Variants in PLSCR4 observed in about 807,000 individuals in gnomAD.
PLSCR4 encodes Ca(2+)-dependent phospholipid scramblase 4.
In PLSCR4, 25 loss-of-function variants were observed where a neutral mutation model predicts 36.3. The observed-to-expected ratio is 0.69, with a 90% CI of 0.50 to 0.96. The LOEUF is 0.96. Among genes scored for constraint, PLSCR4 ranks in the 40% least tolerant of loss-of-function variants. The pLI, the probability that PLSCR4 is intolerant of heterozygous loss-of-function variation, is 0.00. For synonymous variants in PLSCR4, 122 were observed against 132.9 expected, an observed-to-expected ratio of 0.92 and a Z score of 0.56; for missense variants, 408 against 414.7, an observed-to-expected ratio of 0.98 and a Z score of 0.14.
intron 1 of PLSCR4, among the ~76,000 whole-genome samples, chr3:146,245,265 C>T (rs1471051704): frequency 2.6e-5 from 4 of 152,024 alleles, no homozygotes; most frequent in African/African-American, 9.7e-5. Context: ...AGTTACAGAT[C>T]TATGAAATTT....
At chr3:146,204,464 A>T (rs564082999) in intron 4 of PLSCR4, among the ~76,000 whole-genome samples, 1 of 151,972 alleles carries the variant, frequency 6.6e-6, no homozygotes, top group East Asian at 1.9e-4. Flanking sequence ...TATTGATAAT[A>T]CTATTTTATA....
chr3:146,228,279 G>A (rs2035561635), intron 1 of PLSCR4, among the ~76,000 whole-genome samples: 1 of 152,144 alleles, frequency 6.6e-6, no homozygotes, highest in Admixed American at 6.5e-5. Flanking sequence ...AAATGTGTGT[G>A]TTTAACAGCA....
chr3:146,239,687 C>A (rs927485312), intron 1 of PLSCR4, among the ~76,000 whole-genome samples: 2 of 151,946 alleles, frequency 1.3e-5, no homozygotes, highest in African/African-American at 4.8e-5. Context: ...AGTTCGAGAC[C>A]AGCCTGACCA....
At chr3:146,214,792 G>A (rs996258557) in intron 3 of PLSCR4, among the ~76,000 whole-genome samples, 2 of 152,066 alleles carry the variant, frequency 1.3e-5, no homozygotes, top group Non-Finnish European at 2.9e-5. Flanking sequence ...GTTGTGCCCA[G>A]TTTGGTTTAT....
Position 146,220,834 on chromosome 3 carries a change from G to T in PLSCR4, c.99C>A (p.Tyr33Ter). ...ACCCACCTGGTAAAAAATGAGAATT[G>T]TATTCAGGAGGAGCATCAGGCCTTG... ...PDPRPDAPPEYNSHFLPGPPG... is the reference protein window; with the variant it reads ...PDPRPDAPPE Residue 33 changes from tyrosine (Y) to a stop codon, truncating the protein, a stop_gained, in exon 3 of 9, where the codon TAC (tyrosine) becomes TAA (stop). Transcript: ENST00000354952. LOFTEE classifies it high-confidence loss of function. 1 of 1,607,086 alleles carries T rather than the reference G, an allele frequency of 6.2e-7. No individual in the cohort carries two copies. The highest frequency in any genetic ancestry group is 8.5e-7 in the Non-Finnish European group (1 of 1,173,960).
At chr3:146,213,568 C>A (rs1189101616) in intron 3 of PLSCR4, among the ~76,000 whole-genome samples, 1 of 152,138 alleles carries the variant, frequency 6.6e-6, no homozygotes, top group Non-Finnish European at 1.5e-5. Flanking sequence ...GGTGATCCAC[C>A]CGCCTCGGAT....
At chr3:146,244,577 A>G (rs1014188653) in intron 1 of PLSCR4, among the ~76,000 whole-genome samples, 1 of 152,076 alleles carries the variant, frequency 6.6e-6, no homozygotes, top group East Asian at 1.9e-4. Context: ...TGTTACTATT[A>G]TAATTGTTTT....
chr3:146,230,447 A>G (rs2035662049), intron 1 of PLSCR4, among the ~76,000 whole-genome samples: 1 of 152,166 alleles, frequency 6.6e-6, no homozygotes, highest in South Asian at 2.1e-4. Flanking sequence ...ATTCTTAAAA[A>G]CATATTGTGA....
At chr3:146,232,140 A>C (rs1188177952) in intron 1 of PLSCR4, among the ~76,000 whole-genome samples, 1 of 151,988 alleles carries the variant, frequency 6.6e-6, no homozygotes, top group Non-Finnish European at 1.5e-5. Context: ...GGTATTGTTG[A>C]CTTTGTTAAA....
chr3:146,194,147 A>G lies in PLSCR4; in HGVS notation c.*264T>C, dbSNP rs2033574984. On this transcript the variant is annotated 3_prime_UTR_variant, in exon 9 of 9. Coordinates refer to ENST00000354952, the MANE Select transcript of PLSCR4 (RefSeq NM_020353.3). ...CCTTATCTCATGTTTATAGTGTTTT[A>G]AGCTTACTTTGTATATGTTTACTGG... The G allele has an allele frequency of 2.6e-6, 1 of 383,536 alleles. No homozygotes were observed. The highest frequency in any genetic ancestry group is 4.6e-6 in the Non-Finnish European group (1 of 215,202). The allele number at this position is 383,536 out of a possible 1,614,324, so 23.8% of individuals were successfully genotyped here.
At chr3:146,212,584 G>T (rs2034681436) in intron 3 of PLSCR4, among the ~76,000 whole-genome samples, 1 of 151,512 alleles carries the variant, frequency 6.6e-6, no homozygotes, top group South Asian at 2.1e-4. Flanking sequence ...CAGGTAACTG[G>T]GACTACAGGA....
At chr3:146,234,897 A>G (rs867885992) in intron 1 of PLSCR4, among the ~76,000 whole-genome samples, 1 of 152,192 alleles carries the variant, frequency 6.6e-6, no homozygotes. Flanking sequence ...TCTAAATATC[A>G]TGGCAAAGAC....
intron 1 of PLSCR4, among the ~76,000 whole-genome samples, chr3:146,222,743 G>A (rs993971547): frequency 7.9e-5 from 12 of 152,314 alleles, no homozygotes; most frequent in African/African-American, 2.9e-4. Context: ...CAACTGGGAA[G>A]TCTGGAGGAT....
rs891464251 is a variant in PLSCR4, at chr3:146,194,196, G to A, written c.*215C>T. Reference sequence around the variant, plus strand: ...GGGTTAATGAGTCACAGCTTTTCAGGATGAACTCCTATTCTACTAGAGAGA... The same window carrying A: ...GGGTTAATGAGTCACAGCTTTTCAGAATGAACTCCTATTCTACTAGAGAGA... On this transcript the variant is annotated 3_prime_UTR_variant, in exon 9 of 9. Transcript: ENST00000354952. The A allele has an allele frequency of 9.9e-6, 5 of 505,188 alleles. No individual in the cohort carries two copies. In the East Asian group the frequency reaches 1.6e-4, roughly 16 times the overall value. The allele number at this position is 505,188 out of a possible 1,614,324, so 31.3% of individuals were successfully genotyped here. A position where few individuals can be genotyped will look rare whatever the true frequency, so the allele number is the denominator to read the frequency against.
chr3:146,248,487 C>G (rs532720744), intron 1 of PLSCR4, among the ~76,000 whole-genome samples: 526 of 149,394 alleles, frequency 3.5e-3, no homozygotes, highest in African/African-American at 0.012. Flanking sequence ...TACACACACA[C>G]AGACACACAC....
chr3:146,241,002 T>C (rs1040451648), intron 1 of PLSCR4, among the ~76,000 whole-genome samples: 18 of 152,152 alleles, frequency 1.2e-4, no homozygotes, highest in Admixed American at 9.8e-4. Context: ...GACTCAGCCA[T>C]ACAAAGTAAT....
chr3:146,206,464 C>G, intron 4 of PLSCR4, 62 bp downstream of exon 4: 1 of 1,251,520 alleles, frequency 8.0e-7, no homozygotes, highest in South Asian at 1.3e-5. Flanking sequence ...CTTTTTTTCT[C>G]TCTTTGTTGG....
At chr3:146,240,377 A>C (rs2036101107) in intron 1 of PLSCR4, among the ~76,000 whole-genome samples, 1 of 152,322 alleles carries the variant, frequency 6.6e-6, no homozygotes, top group South Asian at 2.1e-4. Flanking sequence ...TGGGAGGCCA[A>C]GGTGGGAGGA....
chr3:146,198,394 G>A (rs1238974024), intron 6 of PLSCR4, among the ~76,000 whole-genome samples: 2 of 151,980 alleles, frequency 1.3e-5, no homozygotes, highest in African/African-American at 4.8e-5. Flanking sequence ...GTCATAAATT[G>A]GACTAGGCTT....
Sources: allele counts gnomAD v4.1 joint callset (sites outside exome capture counted in the v4.1 genomes callset), GRCh38; gene constraint gnomAD v4.1.1; transcripts MANE v1.5; gene names NCBI Gene and HGNC (gene_info 2026-07-23, HGNC 2026-07-21).